PRELID2: variants seen among roughly 807,000 people sequenced by gnomAD.
PRELID2 encodes PRELI domain-containing protein 2.
Under a neutral mutation model 28.4 loss-of-function variants are expected in PRELID2, and 25 were observed. The ratio of observed to expected loss-of-function variants is 0.88; its 90% CI spans 0.64 to 1.23. The LOEUF is 1.23. Ranked by LOEUF, PRELID2 falls within the 50% of genes most tolerant of loss-of-function variation. The pLI is 0.00. For synonymous variants in PRELID2, 76 were observed against 71.6 expected (o/e 1.06, Z -0.31); for missense variants, 201 against 214.4 (o/e 0.94, Z 0.39).
the PRELID2 span, among the ~76,000 whole-genome samples, chr5:145,421,888 C>T: frequency 2.6e-5 from 4 of 151,178 alleles, no homozygotes; most frequent in African/African-American, 9.7e-5. Context: ...AAATTTCCCT[C>T]TACACACTGC....
intron 1 of PRELID2, among the ~76,000 whole-genome samples, chr5:145,564,976 G>C (rs1369826041): frequency 2.0e-5 from 3 of 152,178 alleles, no homozygotes; most frequent in African/African-American, 7.2e-5. Context: ...CCCTCCGTGG[G>C]CTGCACCCAC....
the PRELID2 span, among the ~76,000 whole-genome samples, chr5:145,459,479 C>A: frequency 6.6e-6 from 1 of 151,982 alleles, no homozygotes; most frequent in African/African-American, 2.4e-5. Flanking sequence ...ATTTTCTTTC[C>A]CCATAGAATC....
chr5:145,622,658 GA>G (rs750832503), intron 1 of PRELID2, among the ~76,000 whole-genome samples: 17 of 152,056 alleles, frequency 1.1e-4, no homozygotes, highest in Non-Finnish European at 2.2e-4. Flanking sequence ...TATTGTTCAA[GA>G]AGGTTATTAA....
At chr5:145,267,352 C>T in the PRELID2 span, among the ~76,000 whole-genome samples, 7 of 152,142 alleles carry the variant, frequency 4.6e-5, no homozygotes, top group African/African-American at 1.7e-4. Context: ...TTCACAGACA[C>T]ACTCAGGATC....
chr5:145,305,748 G>A, the PRELID2 span, among the ~76,000 whole-genome samples: 5 of 152,056 alleles, frequency 3.3e-5, no homozygotes, highest in Middle Eastern at 3.4e-3. Flanking sequence ...AAATACAGGG[G>A]CACCTCTGTC....
chr5:145,613,733 A>G (rs888177360), intron 1 of PRELID2, among the ~76,000 whole-genome samples: 1 of 152,102 alleles, frequency 6.6e-6, no homozygotes, highest in Non-Finnish European at 1.5e-5. Context: ...TAGTCTTGTC[A>G]GATGTATATA....
intron 1 of PRELID2, among the ~76,000 whole-genome samples, chr5:145,621,293 A>G (rs1753770450): frequency 1.3e-5 from 2 of 151,690 alleles, no homozygotes; most frequent in Admixed American, 1.3e-4. Context: ...ATCCTAGCAA[A>G]GATATTGAGA....
downstream of PRELID2, among the ~76,000 whole-genome samples, chr5:145,755,747 C>CCAAGT (rs3038368): frequency 0.9 from 135,921 of 151,848 alleles, 60,870 homozygotes; most frequent in East Asian, 0.99. Flanking sequence ...ACACACTGGA[C>CCAAGT]CAAAAGAGAA....
chr5:145,554,688 A>G (rs1405715806), intron 1 of PRELID2, among the ~76,000 whole-genome samples: 1 of 152,190 alleles, frequency 6.6e-6, no homozygotes, highest in African/African-American at 2.4e-5. Context: ...GATCTTTTAT[A>G]ATCAGAAAGC....
At chr5:145,485,209 T>C (rs570771680) in intron 1 of PRELID2, among the ~76,000 whole-genome samples, 3 of 152,358 alleles carry the variant, frequency 2.0e-5, no homozygotes, top group South Asian at 2.1e-4. Context: ...GAAGAACTAA[T>C]AGTGACACTG....
the PRELID2 span, among the ~76,000 whole-genome samples, chr5:145,452,211 A>T: frequency 6.6e-6 from 1 of 152,062 alleles, no homozygotes; most frequent in African/African-American, 2.4e-5. Flanking sequence ...ATGACACATC[A>T]TCTGCCTGTT....
At chr5:145,645,616 T>G (rs1754184674) in intron 1 of PRELID2, among the ~76,000 whole-genome samples, 1 of 152,132 alleles carries the variant, frequency 6.6e-6, no homozygotes, top group African/African-American at 2.4e-5. Flanking sequence ...TTGATGCAGT[T>G]TCTTCATAGT....
the PRELID2 span, among the ~76,000 whole-genome samples, chr5:145,243,987 C>G: frequency 6.6e-6 from 1 of 152,048 alleles, no homozygotes; most frequent in Non-Finnish European, 1.5e-5. Flanking sequence ...CAGTCTTGCT[C>G]TGTTGCCTAG....
chr5:145,823,844 T>G (rs935268743), intron 1 of PRELID2, among the ~76,000 whole-genome samples: 10 of 152,214 alleles, frequency 6.6e-5, no homozygotes, highest in Admixed American at 5.2e-4. Context: ...CGTAGGCAAT[T>G]TAAATACTTT....
At chr5:145,751,027 T>A (rs1561573305) in intron 1 of PRELID2, among the ~76,000 whole-genome samples, 1 of 152,230 alleles carries the variant, frequency 6.6e-6, no homozygotes. Context: ...AAAACTGGTA[T>A]GTTACAAGCA....
chr5:145,608,855 C>T (rs1753566361), intron 1 of PRELID2, among the ~76,000 whole-genome samples: 1 of 152,208 alleles, frequency 6.6e-6, no homozygotes, highest in South Asian at 2.1e-4. Flanking sequence ...CTTGATTTCT[C>T]TTCTTCCCTT....
Position 145,765,308 on chromosome 5 carries a change from GA to G in PRELID2, c.475-309del, listed in dbSNP as rs1757679309. On this transcript the variant is annotated intron_variant, in intron 5 of 6. Transcript: ENST00000683046. ...CTTGAAAGTGGCCCTGCCAGAGCTA[GA>G]ATGATAATGGCAGTAGTTAATATTC... Among the ~76,000 whole-genome samples the G allele has an allele frequency of 2.0e-5, 3 of 152,288 alleles. No individual in the cohort carries two copies. In the South Asian group the frequency reaches 6.2e-4, roughly 32 times the overall value.
At chr5:145,643,613 A>T (rs1754146946) in intron 1 of PRELID2, among the ~76,000 whole-genome samples, 1 of 152,210 alleles carries the variant, frequency 6.6e-6, no homozygotes, top group African/African-American at 2.4e-5. Flanking sequence ...GAATGCTTCC[A>T]GTTTTTTCCC....
chr5:145,672,688 T>C (rs1020907813), intron 1 of PRELID2, among the ~76,000 whole-genome samples: 2 of 152,120 alleles, frequency 1.3e-5, no homozygotes, highest in African/African-American at 4.8e-5. Context: ...AACAACTTCA[T>C]TGGCTTCTAC....
Sources: allele counts gnomAD v4.1 joint callset (sites outside exome capture counted in the v4.1 genomes callset), GRCh38; gene constraint gnomAD v4.1.1; transcripts MANE v1.5; gene names NCBI Gene and HGNC (gene_info 2026-07-23, HGNC 2026-07-21).